Variants in CCDC102B observed in about 807,000 individuals in gnomAD.
CCDC102B encodes the protein coiled-coil domain containing 102B.
Under a neutral mutation model 57.4 loss-of-function variants are expected in CCDC102B, and 75 were observed. The ratio of observed to expected loss-of-function variants is 1.31; its 90% CI spans 1.08 to 1.58. The LOEUF (loss-of-function observed/expected upper bound fraction) is 1.58. CCDC102B is among the 40% of genes most tolerant of loss of function. CCDC102B has a pLI of 0.00. For synonymous variants in CCDC102B, 206 were observed against 201.9 expected (o/e 1.02, Z -0.17); for missense variants, 636 against 582.6 (o/e 1.09, Z -0.94).
At chr18:68,807,262 A>G (rs1483769117) in intron 1 of CCDC102B, among the ~76,000 whole-genome samples, 1 of 152,126 alleles carries the variant, frequency 6.6e-6, no homozygotes, top group Non-Finnish European at 1.5e-5. Flanking sequence ...AAAATTTACT[A>G]ATTTAAGAAA....
At chr18:68,990,833 G>A (rs2050845850) in intron 6 of CCDC102B, among the ~76,000 whole-genome samples, 1 of 151,650 alleles carries the variant, frequency 6.6e-6, no homozygotes, top group South Asian at 2.1e-4. Flanking sequence ...TATGAAACAG[G>A]GAAAATTTAA....
intron 6 of CCDC102B, among the ~76,000 whole-genome samples, chr18:68,907,388 G>T (rs920806727): frequency 5.3e-5 from 8 of 150,468 alleles, no homozygotes; most frequent in African/African-American, 2.0e-4. Context: ...TCTTTAGATT[G>T]CTTTTCAGAG....
chr18:69,057,082 A>T (rs560982441), downstream of CCDC102B, among the ~76,000 whole-genome samples: 1 of 152,162 alleles, frequency 6.6e-6, no homozygotes, highest in South Asian at 2.1e-4. Context: ...GCCTCCAGTA[A>T]TAATTTCCCT....
chr18:68,990,267 G>C (rs1216443720), intron 6 of CCDC102B, among the ~76,000 whole-genome samples: 2 of 152,128 alleles, frequency 1.3e-5, no homozygotes, highest in African/African-American at 2.4e-5. Context: ...CCTATTTCCA[G>C]GGGAAGCAGG....
At chr18:68,744,649 A>G (rs1174858501) in intron 2 of CCDC102B, among the ~76,000 whole-genome samples, 3 of 152,136 alleles carry the variant, frequency 2.0e-5, no homozygotes, top group Non-Finnish European at 4.4e-5. Flanking sequence ...TCAACCGTGT[A>G]GGACCAATCA....
intron 2 of CCDC102B, among the ~76,000 whole-genome samples, chr18:68,764,613 T>C (rs1353210996): frequency 1.3e-5 from 2 of 152,306 alleles, no homozygotes; most frequent in African/African-American, 4.8e-5. Flanking sequence ...ATAGGCAGAC[T>C]TGTAAAGAAT....
At chr18:68,720,925 A>T (rs1209957160) in intron 2 of CCDC102B, among the ~76,000 whole-genome samples, 1 of 152,188 alleles carries the variant, frequency 6.6e-6, no homozygotes, top group East Asian at 1.9e-4. Flanking sequence ...TTTAAAAAGT[A>T]ACCAGGCATG....
intron 2 of CCDC102B, among the ~76,000 whole-genome samples, chr18:68,758,997 G>T (rs535627542): frequency 1.4e-5 from 2 of 145,220 alleles, no homozygotes; most frequent in African/African-American, 5.1e-5. Flanking sequence ...ACAACAGAAT[G>T]CCACCCCTAC....
chr18:68,991,737 G>T (rs604487), intron 6 of CCDC102B, among the ~76,000 whole-genome samples: 149,259 of 152,348 alleles, frequency 0.98, 73,178 homozygotes, highest in East Asian at 1. Flanking sequence ...TTTAGAAGTC[G>T]TTAAATATCA....
At chr18:68,811,333 A>T (rs1349044931) in intron 1 of CCDC102B, among the ~76,000 whole-genome samples, 1 of 152,186 alleles carries the variant, frequency 6.6e-6, no homozygotes, top group Non-Finnish European at 1.5e-5. Context: ...TGACAAACAC[A>T]TAAGAGGCTG....
At position 68,943,861 on chromosome 18, in the gene CCDC102B, C is replaced by G. The variant is rs373734339; in HGVS notation, c.1263+46433C>G. On this transcript the variant is annotated intron_variant, in intron 6 of 7. Coordinates refer to ENST00000360242, the MANE Select transcript of CCDC102B (RefSeq NM_024781.3). ...AACTCAAATGCAATAATTCTACAGA[C>G]GTAAAAACCTGCAAGAATCAAAGAA... Among the ~76,000 whole-genome samples, 317 of 152,108 alleles carry G rather than the reference C, an allele frequency of 2.1e-3. 2 individuals carry two copies. The highest frequency in any genetic ancestry group is 7.4e-3 in the African/African-American group (306 of 41,524).
chr18:68,870,903 T>C (rs2039215275), intron 4 of CCDC102B, among the ~76,000 whole-genome samples: 2 of 152,314 alleles, frequency 1.3e-5, no homozygotes, highest in Admixed American at 1.3e-4. Context: ...CTTTTTGTAA[T>C]TATTTTTCTT....
chr18:68,730,063 G>A (rs2032787767), intron 2 of CCDC102B, among the ~76,000 whole-genome samples: 1 of 152,052 alleles, frequency 6.6e-6, no homozygotes, highest in African/African-American at 2.4e-5. Flanking sequence ...TTTTGTGTGT[G>A]GTTGTAGAAC....
intron 6 of CCDC102B, among the ~76,000 whole-genome samples, chr18:68,959,170 C>A (rs2049983907): frequency 6.6e-6 from 1 of 152,128 alleles, no homozygotes; most frequent in South Asian, 2.1e-4. Flanking sequence ...TTCAAAGGGA[C>A]TTGGGTGTTC....
At chr18:68,956,332 T>TATATATAATATATATTAAA (rs1555732862) in intron 6 of CCDC102B, among the ~76,000 whole-genome samples, 7 of 54,956 alleles carry the variant, frequency 1.3e-4, no homozygotes, top group African/African-American at 3.6e-4. Flanking sequence ...TTATATATAT[T>TATATATAATATATATTAAA]ATATATAATA....
At chr18:68,838,163 T>C (rs1427154310) in intron 2 of CCDC102B, among the ~76,000 whole-genome samples, 1 of 152,194 alleles carries the variant, frequency 6.6e-6, no homozygotes, top group Non-Finnish European at 1.5e-5. Context: ...GTTGTTGCTC[T>C]AGTACTGATG....
intron 7 of CCDC102B, among the ~76,000 whole-genome samples, chr18:69,018,534 C>T (rs1048695161): frequency 6.6e-6 from 1 of 152,086 alleles, no homozygotes; most frequent in South Asian, 2.1e-4. Context: ...TTAGTGATGT[C>T]GAGCACCTTT....
At chr18:68,878,603 G>A (rs2039547423) in intron 5 of CCDC102B, among the ~76,000 whole-genome samples, 1 of 152,104 alleles carries the variant, frequency 6.6e-6, no homozygotes, top group Admixed American at 6.5e-5. Context: ...TCTACCATGT[G>A]GATACACAGG....
chr18:68,857,139 T>C lies in CCDC102B; in HGVS notation c.936+10718T>C, dbSNP rs1380668338. On this transcript the variant is annotated intron_variant, in intron 4 of 7. Transcript: ENST00000360242. The stretch of plus-strand genomic sequence containing the variant: ...AATATATTTATATATTTTTATATAT[T>C]ATATATAAATATATTTATATATTTT... Among the ~76,000 whole-genome samples, 288 of 45,132 alleles carry C rather than the reference T, an allele frequency of 6.4e-3. 22 individuals carry two copies. Among genetic ancestry groups the C allele is most frequent in the African/African-American group, 0.027 (272 of 10,144 alleles). 29.6% of individuals were successfully genotyped at this position (45,132 alleles called of 152,430 possible). A position where few individuals can be genotyped will look rare whatever the true frequency, so the allele number is the denominator to read the frequency against.
Sources: allele counts gnomAD v4.1 joint callset (sites outside exome capture counted in the v4.1 genomes callset), GRCh38; gene constraint gnomAD v4.1.1; transcripts MANE v1.5; gene names NCBI Gene and HGNC (gene_info 2026-07-23, HGNC 2026-07-21).